RNF41: variants seen among roughly 807,000 people sequenced by gnomAD.
RNF41 encodes ring finger protein 41, also known as E3 ubiquitin-protein ligase NRDP1.
RNF41 carries 4 observed loss-of-function variants against 33.0 expected under a neutral mutation model. The ratio of observed to expected loss-of-function variants is 0.12; its 90% CI spans 0.06 to 0.28. RNF41 has a LOEUF of 0.28. Among genes scored for constraint, RNF41 ranks in the 10% least tolerant of loss-of-function variants. The pLI is 1.00. For missense variants in RNF41, 228 were observed against 432.6 expected, an observed-to-expected ratio of 0.53 and a Z score of 4.19; for synonymous variants, 164 against 153.2, an observed-to-expected ratio of 1.07 and a Z score of -0.52.
chr12:56,203,185 CTTTTCTTTTT>C lies in RNF41; in HGVS notation c.*3252_*3261del, dbSNP rs2135794109. 1 of 150,798 alleles carries C rather than the reference CTTTTCTTTTT, an allele frequency of 6.6e-6. No homozygotes were observed. Among genetic ancestry groups the C allele is most frequent in the African/African-American group, 2.5e-5 (1 of 40,536 alleles). 9.3% of individuals were successfully genotyped at this position (150,798 alleles called of 1,614,324 possible). On this transcript the variant is annotated 3_prime_UTR_variant, in exon 7 of 7. Transcript: ENST00000345093. ...AGGAAAAGATATCCCTTTTTCTTTT[CTTTTCTTTTT>C]TTTTTTTGAGACAGGCTCTTGCTCT...
rs1271596548 is a variant in RNF41, at chr12:56,212,903, AT to A, written c.90+1054del. 11 of 884,214 alleles carry A rather than the reference AT, an allele frequency of 1.2e-5. No homozygotes were observed. In the African/African-American group the frequency reaches 1.9e-4, roughly 15 times the overall value. The allele number at this position is 884,214 out of a possible 1,614,324, so 54.8% of individuals were successfully genotyped here. On this transcript the variant is annotated intron_variant, in intron 3 of 6. Coordinates refer to ENST00000345093, the MANE Select transcript of RNF41 (RefSeq NM_005785.4). ...GATAGCCAGGAAAGAGAAAGGATTA[AT>A]TGGTATTTACAGAATGAGGGCAATA... is the stretch of plus-strand genomic sequence containing the variant.
At chr12:56,213,814 T>C (rs1592355378) in intron 3 of RNF41, 144 bp downstream of exon 3, 1 of 669,868 alleles carries the variant, frequency 1.5e-6, no homozygotes, top group East Asian at 2.5e-5. Flanking sequence ...TAGTCACCAT[T>C]ACTCCTTTGA....
At chr12:56,212,889 AAG>A in intron 3 of RNF41, 1 of 821,012 alleles carries the variant, frequency 1.2e-6, no homozygotes, top group Admixed American at 2.4e-5. Context: ...ATAGCCAGGA[AAG>A]AGAAAGGATT....
chr12:56,217,452 C>T (rs895110141), intron 1 of RNF41, among the ~76,000 whole-genome samples: 1 of 151,692 alleles, frequency 6.6e-6, no homozygotes, highest in South Asian at 2.1e-4. Flanking sequence ...GAGGCTGAGG[C>T]AGGGAGAATT....
At chr12:56,210,169 A>G (rs1868375139) in intron 4 of RNF41, 128 bp downstream of exon 4, 2 of 922,506 alleles carry the variant, frequency 2.2e-6, no homozygotes, top group Admixed American at 5.4e-5. Context: ...CAGGAAGCCA[A>G]GGAGGCTAAG....
intron 2 of RNF41, among the ~76,000 whole-genome samples, chr12:56,215,528 G>A (rs1868815657): frequency 6.6e-6 from 1 of 151,968 alleles, no homozygotes; most frequent in South Asian, 2.1e-4. Flanking sequence ...ACACCATCCT[G>A]GCCAACATGG....
chr12:56,208,364 A>G (rs1868316817), intron 4 of RNF41, 66 bp from the exon 5 acceptor site: 1 of 1,556,062 alleles, frequency 6.4e-7, no homozygotes, highest in African/African-American at 1.4e-5. Context: ...CAAATGGCCT[A>G]TTCTGTGGCA....
intron 3 of RNF41, among the ~76,000 whole-genome samples, chr12:56,212,359 C>T (rs1868545570): frequency 6.6e-6 from 1 of 152,128 alleles, no homozygotes; most frequent in Admixed American, 6.6e-5. Context: ...GTGGGGAAAT[C>T]AGCATCCCTA....
intron 1 of RNF41, among the ~76,000 whole-genome samples, chr12:56,219,358 AT>A (rs1006751381): frequency 4.7e-4 from 69 of 145,674 alleles, no homozygotes; most frequent in Admixed American, 5.5e-4. Context: ...CGCCCAGCTA[AT>A]TTTTTTTTTT....
intron 1 of RNF41, among the ~76,000 whole-genome samples, chr12:56,219,358 ATTTTT>A (rs1006751381): frequency 6.9e-6 from 1 of 145,730 alleles, no homozygotes; most frequent in Non-Finnish European, 1.5e-5. Context: ...CGCCCAGCTA[ATTTTT>A]TTTTTTTATT....
At chr12:56,220,481 T>G (rs1869299657) in intron 1 of RNF41, among the ~76,000 whole-genome samples, 1 of 151,504 alleles carries the variant, frequency 6.6e-6, no homozygotes, top group African/African-American at 2.4e-5. Flanking sequence ...CCTCCCAAAG[T>G]GCTAGGATTA....
intron 4 of RNF41, chr12:56,210,008 G>C (rs1419372010): frequency 2.4e-6 from 1 of 409,420 alleles, no homozygotes; most frequent in Non-Finnish European, 4.5e-6. Context: ...CTGACAAACG[G>C]AAAGTAGTAT....
intron 2 of RNF41, among the ~76,000 whole-genome samples, chr12:56,214,390 C>G (rs560704552): frequency 6.7e-6 from 1 of 149,774 alleles, no homozygotes; most frequent in Non-Finnish European, 1.5e-5. Flanking sequence ...GTGTGGTATG[C>G]GCATCTGTAA....
chr12:56,213,269 C>T lies in RNF41; in HGVS notation c.90+689G>A, dbSNP rs574589879. 9.6e-5 allele frequency: 47 copies of T among 487,498 alleles called. 2 individuals are homozygous for T. The highest frequency in any genetic ancestry group is 5.9e-4 in the South Asian group (28 of 47,662). The allele number at this position is 487,498 out of a possible 1,614,324, so 30.2% of individuals were successfully genotyped here. A position where few individuals can be genotyped will look rare whatever the true frequency, so the allele number is the denominator to read the frequency against. ...AGGCTGGAGTGCAGTGGCACAATCT[C>T]GGCTCACTGCAACCTCCTACTCCCG... On this transcript the variant is annotated intron_variant, in intron 3 of 6. Transcript: ENST00000345093.
chr12:56,206,396 G>A lies in RNF41; in HGVS notation c.*51C>T, dbSNP rs1432120753. 1 of 1,472,568 alleles carries A rather than the reference G, an allele frequency of 6.8e-7. No individual in the cohort carries two copies. The highest frequency in any genetic ancestry group is 9.3e-7 in the Non-Finnish European group (1 of 1,071,334). The allele number at this position is 1,472,568 out of a possible 1,614,324, so 91.2% of individuals were successfully genotyped here. On this transcript the variant is annotated 3_prime_UTR_variant, in exon 7 of 7. Transcript: ENST00000345093. This position sits in a 1 kb window ranked among gnomAD's most constrained non-coding sequence, Gnocchi z 5.7. ...TAGGACTCAGGTCCCAGCTGCTGGA[G>A]TGATGGGATTTTCTGATTTCCATCT... is the stretch of plus-strand genomic sequence containing the variant.
At chr12:56,212,985 A>T in intron 3 of RNF41, 1 of 1,289,288 alleles carries the variant, frequency 7.8e-7, no homozygotes, top group Non-Finnish European at 1.0e-6. Context: ...CACCTCACTC[A>T]TTGTACTTGC....
chr12:56,221,527 C>G (rs1360647284), intron 1 of RNF41: 1 of 152,526 alleles, frequency 6.6e-6, no homozygotes, highest in Non-Finnish European at 1.5e-5. Context: ...TCCCGCACTT[C>G]TCAAAGCTCC....
Position 56,210,494 on chromosome 12 carries a change from C to T in RNF41, c.165G>A (p.Val55=). 2.5e-6 allele frequency: 4 copies of T among 1,614,190 alleles called. No homozygotes were observed. Among genetic ancestry groups the T allele is most frequent in the Non-Finnish European group, 3.4e-6 (4 of 1,180,030 alleles). The change falls in exon 4 of 7, where the codon GTG becomes GTA. Residue 55 remains valine, a synonymous_variant. Coordinates refer to ENST00000345093, the MANE Select transcript of RNF41 (RefSeq NM_005785.4). ...GGGCGACCGTCACAACACTACGGTC[C>T]ACTGGACATGTCTGTTGCTGAGAGA... is the stretch of plus-strand genomic sequence containing the variant. ...QWFSQQQTCP[V]DRSVVTVAHL...
intron 4 of RNF41, chr12:56,210,090 CCTT>C (rs2135804010): frequency 1.7e-6 from 1 of 587,480 alleles, no homozygotes; most frequent in African/African-American, 1.9e-5. Context: ...TTGCTGTGCC[CCTT>C]CTTTTGTTAA....
Sources: gnomAD v4.1 joint callset for allele counts (sites outside exome capture counted in the v4.1 genomes callset) on GRCh38, gnomAD v4.1.1 for gene constraint, Gnocchi (gnomAD v3.1) non-coding constraint, MANE v1.5 for transcripts, NCBI Gene and HGNC (gene_info 2026-07-23, HGNC 2026-07-21) for gene names.